BBS12: variants seen among roughly 807,000 people sequenced by gnomAD.
BBS12 encodes the protein Bardet-Biedl syndrome 12, also known as chaperonin-containing T-complex member BBS12.
A neutral mutation model predicts 5.6 loss-of-function variants in BBS12; 5 were observed. The observed-to-expected ratio is 0.89, with a 90% CI of 0.46 to 1.86. The LOEUF is 1.86. Ranked by LOEUF, BBS12 falls within the 40% of genes most tolerant of loss-of-function variation. BBS12 has a pLI of 0.01. For missense variants in BBS12, 748 were observed against 830.4 expected (o/e 0.90, Z 1.22); for synonymous variants, 308 against 306.8 (o/e 1.00, Z -0.04).
the BBS12 span, among the ~76,000 whole-genome samples, chr4:122,724,646 C>G: frequency 2.9e-3 from 441 of 152,270 alleles, 4 homozygotes; most frequent in Non-Finnish European, 3.4e-3. Context: ...GATGTAAGCA[C>G]TCTATCAAAT....
intron 1 of BBS12, among the ~76,000 whole-genome samples, chr4:122,738,934 T>A (rs1245513519): frequency 6.6e-6 from 1 of 152,236 alleles, no homozygotes; most frequent in Non-Finnish European, 1.5e-5. Flanking sequence ...TGTGATCTTA[T>A]TTGAAAATAG....
rs1419506380 is a variant in BBS12 at position 122,742,059 on chromosome 4, T to C, written c.167T>C (p.Leu56Pro). 1 of 1,614,200 alleles carries C rather than the reference T, an allele frequency of 6.2e-7. No homozygotes were observed. The highest frequency in any genetic ancestry group is 1.7e-5 in the Admixed American group (1 of 60,028). The stretch of plus-strand genomic sequence containing the variant: ...GTATTAATCAGTTCAACAGTAAGGC[T>C]TCTTGAAAGTTTGGATTTAACCAGT... ...ESVLISSTVR[L>P]LESLDLTSAV... Residue 56 changes from leucine (L) to proline (P), a missense_variant, in exon 2 of 2, where the codon CTT (leucine) becomes CCT (proline). Transcript: ENST00000314218.
rs1449115476 is a variant in BBS12, at chr4:122,742,218, T to C, written c.326T>C (p.Ile109Thr). 6.2e-7 allele frequency: 1 copy of C among 1,613,788 alleles called. No homozygotes were observed. The highest frequency in any genetic ancestry group is 8.5e-7 in the Non-Finnish European group (1 of 1,180,038). The change falls in exon 2 of 2, where the codon ATT (isoleucine) becomes ACT (threonine). Residue 109 changes from isoleucine to threonine, a missense_variant. Transcript: ENST00000314218. The stretch of plus-strand genomic sequence containing the variant: ...GAATGTCTTCATCTTGGTGTCCCCA[T>C]TTCCATAATAGTATCAGTAATGTCA... ...VEECLHLGVP[I>T]SIIVSVMSEG...
chr4:122,714,923 T>A, the BBS12 span, among the ~76,000 whole-genome samples: 3 of 152,274 alleles, frequency 2.0e-5, no homozygotes, highest in East Asian at 5.8e-4. Flanking sequence ...AATACATGTC[T>A]ATCATGTTTT....
the BBS12 span, among the ~76,000 whole-genome samples, chr4:122,724,531 C>A: frequency 2.6e-5 from 4 of 152,222 alleles, no homozygotes; most frequent in Non-Finnish European, 5.9e-5. Flanking sequence ...CTTACCTTAT[C>A]TGCCTTTACC....
chr4:122,718,710 A>AGG, the BBS12 span, among the ~76,000 whole-genome samples: 1 of 147,534 alleles, frequency 6.8e-6, no homozygotes, highest in African/African-American at 2.6e-5. Flanking sequence ...CAGGGATTCG[A>AGG]TGTGAAATGA....
In BBS12 at chr4:122,742,722, A is replaced by G. The variant is rs1456373861; in HGVS notation, c.830A>G (p.His277Arg). Residue 277 changes from histidine (H) to arginine (R), a missense_variant, in exon 2 of 2, where the codon CAT becomes CGT. Transcript: ENST00000314218. ...DLVELAVGLS[H>R]GDHSSMKLVE... ...GTAGAGTTGGCAGTAGGCTTGAGTC[A>G]TGGAGATCACAGCAGCATGAAGTTA... 5.6e-6 allele frequency: 9 copies of G among 1,614,152 alleles called. No individual in the cohort carries two copies. The highest frequency in any genetic ancestry group is 1.3e-5 in the African/African-American group (1 of 74,948).
chr4:122,714,634 A>G, the BBS12 span, among the ~76,000 whole-genome samples: 5 of 151,892 alleles, frequency 3.3e-5, no homozygotes, highest in Admixed American at 6.6e-5. Context: ...ATATAAATAT[A>G]TATAAATATA....
Position 122,743,048 on chromosome 4 carries a change from C to T in BBS12, c.1156C>T (p.Arg386Trp), listed in dbSNP as rs202225266. The T allele has an allele frequency of 2.7e-5, 43 of 1,614,102 alleles. No individual in the cohort carries two copies. The East Asian group carries it at 8.5e-4, about 32-fold the overall frequency. The change falls in exon 2 of 2, where the codon CGG becomes TGG. Residue 386 changes from arginine to tryptophan, a missense_variant. Physicochemically the swap from Arg to Trp is moderately radical, Grantham distance 101. Transcript: ENST00000314218. ...ANIKTVLDSM[R>W]LQEDSSEELW... ...TATTAAAACAGTATTAGATAGCATG[C>T]GGCTTCAAGAAGACAGCTCAGAAGA...
chr4:122,715,894 TC>T, the BBS12 span, among the ~76,000 whole-genome samples: 1 of 152,224 alleles, frequency 6.6e-6, no homozygotes, highest in African/African-American at 2.4e-5. Flanking sequence ...TGTCAGTTTT[TC>T]CCAAACTGAC....
At chr4:122,729,476 AT>A (rs1161646433), upstream of BBS12, 1 of 152,228 alleles carries the variant, frequency 6.6e-6, no homozygotes, top group African/African-American at 2.4e-5. Flanking sequence ...TGAAAGTTTT[AT>A]CCATAGGGAA....
chr4:122,718,929 C>G, the BBS12 span, among the ~76,000 whole-genome samples: 16 of 152,278 alleles, frequency 1.1e-4, no homozygotes, highest in African/African-American at 3.4e-4. Flanking sequence ...ACGCCATTCT[C>G]CTGCCTCAGC....
chr4:122,710,153 G>A, the BBS12 span, among the ~76,000 whole-genome samples: 23,333 of 152,066 alleles, frequency 0.15, 2,933 homozygotes, highest in East Asian at 0.65. Context: ...TAACTGCGGC[G>A]TAGGCACATC....
intron 1 of BBS12, among the ~76,000 whole-genome samples, chr4:122,740,562 A>G (rs1800853435): frequency 6.6e-6 from 1 of 152,232 alleles, no homozygotes; most frequent in African/African-American, 2.4e-5. Flanking sequence ...TTGAGGGCAG[A>G]GTATGTATAA....
intron 1 of BBS12, among the ~76,000 whole-genome samples, chr4:122,737,807 A>G (rs1284201064): frequency 6.6e-6 from 1 of 152,238 alleles, no homozygotes; most frequent in Non-Finnish European, 1.5e-5. Flanking sequence ...AACCTGTGGT[A>G]CTGGCATAAG....
chr4:122,716,391 TAG>T, the BBS12 span, among the ~76,000 whole-genome samples: 1 of 152,038 alleles, frequency 6.6e-6, no homozygotes, highest in African/African-American at 2.4e-5. Flanking sequence ...AACCATTGAC[TAG>T]AGTTTGGTGA....
the BBS12 span, among the ~76,000 whole-genome samples, chr4:122,707,130 T>C: frequency 2.7e-5 from 4 of 146,242 alleles, no homozygotes; most frequent in Admixed American, 2.1e-4. Context: ...CTCGAACTCA[T>C]GGGCTCAAGC....
At chr4:122,708,656 AAC>A in the BBS12 span, among the ~76,000 whole-genome samples, 1 of 149,876 alleles carries the variant, frequency 6.7e-6, no homozygotes, top group African/African-American at 2.5e-5. Context: ...AACTGTCACT[AAC>A]AGTAAATTTC....
the BBS12 span, among the ~76,000 whole-genome samples, chr4:122,727,616 CG>C: frequency 1.5e-5 from 2 of 133,212 alleles, no homozygotes; most frequent in Admixed American, 8.4e-5. Context: ...TGCAATGATG[CG>C]ATCTCTGCTC....
Sources: gnomAD v4.1 joint callset for allele counts (sites outside exome capture counted in the v4.1 genomes callset) on GRCh38, gnomAD v4.1.1 for gene constraint, MANE v1.5 for transcripts, NCBI Gene and HGNC (gene_info 2026-07-23, HGNC 2026-07-21) for gene names.